Variants in TNFSF4 observed in about 807,000 individuals in gnomAD.
TNFSF4 encodes tumor necrosis factor ligand superfamily member 4.
A neutral mutation model predicts 7.3 loss-of-function variants in TNFSF4; 4 were observed. That is an observed-to-expected ratio of 0.55 (90% CI 0.27 to 1.25). The LOEUF is 1.25. TNFSF4 is among the 50% of genes most tolerant of loss of function. TNFSF4 has a pLI of 0.12. For synonymous variants in TNFSF4, 76 were observed against 83.7 expected, an observed-to-expected ratio of 0.91 and a Z score of 0.50; for missense variants, 181 against 208.8, an observed-to-expected ratio of 0.87 and a Z score of 0.82.
chr1:173,396,333 G>C, the TNFSF4 span, among the ~76,000 whole-genome samples: 2 of 152,142 alleles, frequency 1.3e-5, no homozygotes, highest in Non-Finnish European at 2.9e-5. Context: ...AACAAAGTGA[G>C]ACCCCATCTC....
chr1:173,308,435 C>A, the TNFSF4 span, among the ~76,000 whole-genome samples: 2 of 151,222 alleles, frequency 1.3e-5, no homozygotes, highest in Non-Finnish European at 3.0e-5. Flanking sequence ...CTATAATCTA[C>A]CTGGAATTGT....
chr1:173,208,739 G>A (rs1280775945), upstream of TNFSF4, among the ~76,000 whole-genome samples: 1 of 151,036 alleles, frequency 6.6e-6, no homozygotes, highest in Non-Finnish European at 1.5e-5. Flanking sequence ...AAAGCTGAAG[G>A]AAAAATCAGT....
At chr1:173,241,962 G>A in the TNFSF4 span, among the ~76,000 whole-genome samples, 2,557 of 152,290 alleles carry the variant, frequency 0.017, 77 homozygotes, top group African/African-American at 0.058. Context: ...AAGAGTAGGG[G>A]AACTTACAGC....
At chr1:173,322,115 T>C in the TNFSF4 span, among the ~76,000 whole-genome samples, 2 of 152,100 alleles carry the variant, frequency 1.3e-5, no homozygotes, top group Non-Finnish European at 2.9e-5. Context: ...ACATATACAC[T>C]CGTGGACTAC....
chr1:173,419,009 G>T, the TNFSF4 span, among the ~76,000 whole-genome samples: 1 of 152,216 alleles, frequency 6.6e-6, no homozygotes, highest in Non-Finnish European at 1.5e-5. Flanking sequence ...ATGAGTGTGT[G>T]GCCCCCACGG....
chr1:173,206,020 C>T (rs1650172113), intron 1 of TNFSF4, among the ~76,000 whole-genome samples: 1 of 152,226 alleles, frequency 6.6e-6, no homozygotes, highest in Non-Finnish European at 1.5e-5. Flanking sequence ...CAAGCCCAGG[C>T]ATTTGCCAAG....
chr1:173,229,757 A>T, the TNFSF4 span, among the ~76,000 whole-genome samples: 1 of 152,192 alleles, frequency 6.6e-6, no homozygotes, highest in Non-Finnish European at 1.5e-5. Flanking sequence ...GCAAATGGAA[A>T]ACAAAAAAAG....
the TNFSF4 span, among the ~76,000 whole-genome samples, chr1:173,350,743 G>C: frequency 2.6e-5 from 4 of 152,144 alleles, no homozygotes; most frequent in Non-Finnish European, 4.4e-5. Context: ...TGACACAACA[G>C]GCCAAAAGAA....
At chr1:173,391,884 G>T in the TNFSF4 span, among the ~76,000 whole-genome samples, 1 of 152,156 alleles carries the variant, frequency 6.6e-6, no homozygotes, top group East Asian at 1.9e-4. Flanking sequence ...ATAAAAAGCA[G>T]GACCTTGTAA....
chr1:173,404,543 C>T, the TNFSF4 span, among the ~76,000 whole-genome samples: 6 of 152,172 alleles, frequency 3.9e-5, no homozygotes, highest in African/African-American at 1.4e-4. Flanking sequence ...GCCTGGGATG[C>T]TTTTCCCAGT....
chr1:173,311,041 A>G, the TNFSF4 span, among the ~76,000 whole-genome samples: 1 of 151,992 alleles, frequency 6.6e-6, no homozygotes, highest in Admixed American at 6.6e-5. Context: ...TGTAAACATC[A>G]TATGTTTAAG....
At chr1:173,364,565 G>A in the TNFSF4 span, among the ~76,000 whole-genome samples, 8 of 151,874 alleles carry the variant, frequency 5.3e-5, no homozygotes, top group South Asian at 1.7e-3. Context: ...TAAATAATTT[G>A]TACTACCTTT....
chr1:173,295,895 G>A, the TNFSF4 span, among the ~76,000 whole-genome samples: 2 of 151,918 alleles, frequency 1.3e-5, no homozygotes, highest in Non-Finnish European at 2.9e-5. Context: ...GGCTCTGATA[G>A]GGTCTTTTTT....
At chr1:173,355,178 T>C in the TNFSF4 span, among the ~76,000 whole-genome samples, 2 of 152,136 alleles carry the variant, frequency 1.3e-5, no homozygotes, top group African/African-American at 2.4e-5. Flanking sequence ...TGACTCAGAC[T>C]CTCCTGCCTT....
At chr1:173,231,039 C>A in the TNFSF4 span, among the ~76,000 whole-genome samples, 20 of 152,338 alleles carry the variant, frequency 1.3e-4, no homozygotes, top group African/African-American at 4.8e-4. Context: ...GGTACCATTC[C>A]TTCTAAAACT....
the TNFSF4 span, among the ~76,000 whole-genome samples, chr1:173,310,484 G>A: frequency 6.6e-6 from 1 of 151,554 alleles, no homozygotes; most frequent in Non-Finnish European, 1.5e-5. Context: ...TTGATTTTTT[G>A]CTTTAATTGC....
At chr1:173,212,920 C>T in the TNFSF4 span, among the ~76,000 whole-genome samples, 1 of 152,028 alleles carries the variant, frequency 6.6e-6, no homozygotes, top group Non-Finnish European at 1.5e-5. Flanking sequence ...CTATTTCAGT[C>T]TCCCCCATGA....
the TNFSF4 span, among the ~76,000 whole-genome samples, chr1:173,442,888 T>G: frequency 6.6e-6 from 1 of 152,040 alleles, no homozygotes; most frequent in Non-Finnish European, 1.5e-5. Context: ...TTTCACCACG[T>G]TGGCCTGGCT....
the TNFSF4 span, among the ~76,000 whole-genome samples, chr1:173,319,156 G>A: frequency 1.3e-5 from 2 of 152,268 alleles, no homozygotes; most frequent in Admixed American, 1.3e-4. Flanking sequence ...AGCTTGGTGG[G>A]GTGAGGGGTA....
Sources: gnomAD v4.1 joint callset for allele counts (sites outside exome capture counted in the v4.1 genomes callset) on GRCh38, gnomAD v4.1.1 for gene constraint, MANE v1.5 for transcripts, NCBI Gene and HGNC (gene_info 2026-07-23, HGNC 2026-07-21) for gene names.